The following TYW1 variants were observed in gnomAD, a reference collection of about 807,000 sequenced individuals.
TYW1 encodes S-adenosyl-L-methionine-dependent tRNA 4-demethylwyosine synthase TYW1.
Under a neutral mutation model 96.2 loss-of-function variants are expected in TYW1, and 46 were observed. The ratio of observed to expected loss-of-function variants is 0.48; its 90% CI spans 0.38 to 0.61. TYW1 has a LOEUF of 0.61. TYW1 is among the 20% of genes least tolerant of loss of function. The pLI is 0.00. For synonymous variants in TYW1, 274 were observed against 323.0 expected (o/e 0.85, Z 1.63); for missense variants, 684 against 909.6 (o/e 0.75, Z 3.19).
chr7:67,206,611 T>A (rs1230770971), intron 15 of TYW1, among the ~76,000 whole-genome samples: 3 of 146,228 alleles, frequency 2.1e-5, no homozygotes, highest in African/African-American at 7.6e-5. Context: ...AAAATGAGAC[T>A]CTGTCTCAAA....
chr7:67,212,118 C>T (rs1239599650), intron 15 of TYW1, among the ~76,000 whole-genome samples: 1 of 152,166 alleles, frequency 6.6e-6, no homozygotes, highest in East Asian at 1.9e-4. Flanking sequence ...TTCCTCTTTT[C>T]GTCCCTCCCG....
rs1219374462 is a variant in TYW1 at position 67,072,963 on chromosome 7, T to TTTTTG, written c.1274+5561_1274+5562insTTTGT. 5.2e-4 allele frequency among the ~76,000 whole-genome samples: 62 copies of TTTTTG among 118,684 alleles called. 4 individuals carry two copies. The highest frequency in any genetic ancestry group is 1.7e-3 in the African/African-American group (48 of 29,020). The allele number at this position is 118,684 out of a possible 152,430, so 77.9% of individuals were successfully genotyped here. On this transcript the variant is annotated intron_variant, in intron 10 of 15. Transcript: ENST00000359626. ...TTTTTTTTTTTTTTTTTTTTTTTTTTTATAGAGACAGGGTCTTGCTATGTT... is the reference window on the plus strand; with the variant it reads ...TTTTTTTTTTTTTTTTTTTTTTTTTTTTTTGTATAGAGACAGGGTCTTGCTATGTT...
chr7:67,229,417 T>TA (rs1243762218), intron 15 of TYW1, among the ~76,000 whole-genome samples: 1 of 151,952 alleles, frequency 6.6e-6, no homozygotes, highest in Non-Finnish European at 1.5e-5. Context: ...GGCATGCCTG[T>TA]AATCCCAGCT....
intron 10 of TYW1, among the ~76,000 whole-genome samples, chr7:67,074,031 G>A (rs1159830997): frequency 2.8e-5 from 4 of 142,404 alleles, no homozygotes; most frequent in Non-Finnish European, 6.0e-5. Context: ...GCAGTGAGCC[G>A]AGATCACGCC....
At chr7:67,005,914 G>A (rs572238408) in intron 3 of TYW1, among the ~76,000 whole-genome samples, 1 of 152,042 alleles carries the variant, frequency 6.6e-6, no homozygotes, top group African/African-American at 2.4e-5. Context: ...AACCTCCTCT[G>A]GGCCTTTGCA....
chr7:67,236,499 C>T (rs577753548), intron 15 of TYW1, among the ~76,000 whole-genome samples: 16 of 152,158 alleles, frequency 1.1e-4, no homozygotes, highest in Non-Finnish European at 2.2e-4. Context: ...TTTGACTCTG[C>T]AGTTTCGAGG....
intron 14 of TYW1, among the ~76,000 whole-genome samples, chr7:67,189,532 ATGTGG>A (rs1800144076): frequency 2.6e-5 from 2 of 78,078 alleles, no homozygotes; most frequent in South Asian, 4.1e-4. Flanking sequence ...CTAGAGTCTC[ATGTGG>A]GGTGAGAGGC....
intron 7 of TYW1, among the ~76,000 whole-genome samples, chr7:67,033,117 G>GGT (rs1794725460): frequency 6.6e-6 from 1 of 151,808 alleles, no homozygotes; most frequent in African/African-American, 2.4e-5. Flanking sequence ...GGCTGGTCTT[G>GGT]AACTCCTTAC....
chr7:67,202,401 T>G lies in TYW1; in HGVS notation c.1977+7064T>G, dbSNP rs187587283. ...TCAGGAGATTGCTCAATTTATTTTT[T>G]TTATTTTGGAGACAGGGTCTCATCT... On this transcript the variant is annotated intron_variant, in intron 15 of 15. Transcript: ENST00000359626. Among the ~76,000 whole-genome samples, 557 of 151,976 alleles carry G rather than the reference T, an allele frequency of 3.7e-3. 5 individuals are homozygous for G. Among genetic ancestry groups the G allele is most frequent in the African/African-American group, 0.012 (513 of 41,428 alleles).
intron 3 of TYW1, among the ~76,000 whole-genome samples, chr7:67,006,977 T>TTTTTTTTA (rs1562962029): frequency 8.8e-6 from 1 of 113,234 alleles, no homozygotes; most frequent in Non-Finnish European, 1.8e-5. Context: ...TTTTTTTTTT[T>TTTTTTTTA]AACAGCCATC....
intron 12 of TYW1, among the ~76,000 whole-genome samples, chr7:67,102,663 T>G (rs1797120519): frequency 6.6e-6 from 1 of 152,172 alleles, no homozygotes; most frequent in Admixed American, 6.5e-5. Context: ...GGAATTTTTT[T>G]TTTTTTGAGA....
chr7:67,051,499 TTTA>T (rs749159508), intron 8 of TYW1, among the ~76,000 whole-genome samples: 1 of 152,212 alleles, frequency 6.6e-6, no homozygotes. Context: ...AAGCCTACAC[TTTA>T]TTATTATTTT....
intron 6 of TYW1, among the ~76,000 whole-genome samples, chr7:67,022,859 G>T (rs1794320089): frequency 6.6e-6 from 1 of 152,188 alleles, no homozygotes; most frequent in Non-Finnish European, 1.5e-5. Flanking sequence ...CAGAGAGCCA[G>T]CCACAGCGCC....
chr7:67,118,900 A>T (rs950909629), intron 13 of TYW1, among the ~76,000 whole-genome samples: 3 of 127,130 alleles, frequency 2.4e-5, no homozygotes, highest in Admixed American at 1.6e-4. Context: ...AAAAAAAAAA[A>T]AAAAAAAGGG....
intron 11 of TYW1, among the ~76,000 whole-genome samples, chr7:67,086,155 G>A (rs1360628039): frequency 6.6e-6 from 1 of 151,904 alleles, no homozygotes; most frequent in African/African-American, 2.4e-5. Flanking sequence ...TTTCGATGGC[G>A]GGAGGTGGGG....
At chr7:67,179,633 A>T (rs1000772250) in intron 13 of TYW1, among the ~76,000 whole-genome samples, 2 of 136,238 alleles carry the variant, frequency 1.5e-5, no homozygotes, top group African/African-American at 5.9e-5. Context: ...GCTGGCACAT[A>T]GTAAGGGCTG....
At chr7:67,187,793 T>G (rs184816920) in intron 14 of TYW1, among the ~76,000 whole-genome samples, 1 of 152,316 alleles carries the variant, frequency 6.6e-6, no homozygotes, top group African/African-American at 2.4e-5. Context: ...AGTGACCTAT[T>G]TGGGAGAAGG....
intron 7 of TYW1, among the ~76,000 whole-genome samples, chr7:67,045,017 T>A (rs1036287946): frequency 6.6e-6 from 1 of 152,186 alleles, no homozygotes; most frequent in Non-Finnish European, 1.5e-5. Flanking sequence ...GAGAAATGTA[T>A]GTTTTGGTAA....
chr7:67,211,123 T>C (rs1297580701), intron 15 of TYW1, among the ~76,000 whole-genome samples: 3 of 149,436 alleles, frequency 2.0e-5, no homozygotes, highest in Non-Finnish European at 4.4e-5. Context: ...TTGGCTCCTG[T>C]GTTACTTTGC....
Sources: gnomAD v4.1 joint callset for allele counts (sites outside exome capture counted in the v4.1 genomes callset) on GRCh38, gnomAD v4.1.1 for gene constraint, MANE v1.5 for transcripts, NCBI Gene and HGNC (gene_info 2026-07-23, HGNC 2026-07-21) for gene names.